The following PIWIL3 variants were observed in gnomAD, a reference collection of about 807,000 sequenced individuals.
PIWIL3 encodes piwi like RNA-mediated gene silencing 3, also known as piwi-like protein 3.
A neutral mutation model predicts 109.7 loss-of-function variants in PIWIL3; 101 were observed. The ratio of observed to expected loss-of-function variants is 0.92; its 90% confidence interval spans 0.78 to 1.09. The LOEUF (loss-of-function observed/expected upper bound fraction) is 1.09. PIWIL3 is among the 50% of genes least tolerant of loss of function. The pLI, the probability that PIWIL3 is intolerant of heterozygous loss-of-function variation, is 0.00. For missense variants in PIWIL3, 1,031 were observed against 1,072.6 expected (o/e 0.96, Z 0.54); for synonymous variants, 373 against 376.4 (o/e 0.99, Z 0.10).
chr22:24,750,802 T>A (rs966304094), intron 9 of PIWIL3, among the ~76,000 whole-genome samples: 1 of 149,068 alleles, frequency 6.7e-6, no homozygotes, highest in Non-Finnish European at 1.5e-5. Flanking sequence ...TTTGATTATC[T>A]ACCAAACAAC....
chr22:24,773,334 C>T (rs968123967), intron 1 of PIWIL3, among the ~76,000 whole-genome samples: 9 of 152,168 alleles, frequency 5.9e-5, no homozygotes, highest in African/African-American at 2.2e-4. Context: ...CTCCTTTTGC[C>T]AAAAGAATTC....
At chr22:24,756,275 T>A (rs935966456) in intron 5 of PIWIL3, among the ~76,000 whole-genome samples, 3 of 151,962 alleles carry the variant, frequency 2.0e-5, no homozygotes, top group African/African-American at 7.3e-5. Context: ...TTGAGCCACA[T>A]TGTATTATTA....
intron 11 of PIWIL3, 72 bp downstream of exon 11, chr22:24,749,332 G>A (rs1406732050): frequency 3.2e-6 from 5 of 1,575,650 alleles, no homozygotes; most frequent in Non-Finnish European, 2.6e-6. Flanking sequence ...ACATGCCAGG[G>A]CTGAGATGCC....
Position 24,755,988 on chromosome 22 carries a change from A to T in PIWIL3, c.571-83T>A. 9.6e-6 allele frequency: 14 copies of T among 1,456,574 alleles called. 2 individuals carry two copies. The South Asian group carries it at 1.7e-4, about 18-fold the overall frequency. 90.2% of individuals were successfully genotyped at this position (1,456,574 alleles called of 1,614,324 possible). On this transcript the variant is annotated intron_variant, in intron 5 of 20. Transcript: ENST00000616349. Reference sequence around the variant, plus strand: ...TCATTGCACGGCAAATCACCATGTCACCTGGCTATCCAACACACCATCGTG... The same window carrying T: ...TCATTGCACGGCAAATCACCATGTCTCCTGGCTATCCAACACACCATCGTG...
Position 24,753,813 on chromosome 22 carries a change from G to A in PIWIL3, c.977+201C>T, listed in dbSNP as rs537998735. Among the ~76,000 whole-genome samples, 8 of 152,264 alleles carry A rather than the reference G, an allele frequency of 5.3e-5. No individual in the cohort carries two copies. The East Asian group carries it at 1.5e-3, about 29-fold the overall frequency. On this transcript the variant is annotated intron_variant, in intron 8 of 20. Coordinates refer to ENST00000616349, the MANE Select transcript of PIWIL3 (RefSeq NM_001255975.1). The stretch of plus-strand genomic sequence containing the variant: ...TTCAGAACAAATGGACTGGCATTAG[G>A]GATTTCAAGAAGAGTGAAGTCTACA...
chr22:24,761,822 G>A (rs956348357), intron 2 of PIWIL3: 48 of 416,616 alleles, frequency 1.2e-4, no homozygotes, highest in East Asian at 1.6e-4. Flanking sequence ...GAGGAATTGA[G>A]GTTGGAGGGC....
rs1241174453 is a variant in PIWIL3, at chr22:24,750,482, A to ATTTTTTTTTTTTTTTTTTTTTTT, written c.1090-664_1090-663insAAAAAAAAAAAAAAAAAAAAAAA. ...CTTATCTGAAGTCTTACCACATTTG[A>ATTTTTTTTTTTTTTTTTTTTTTT]TTTTTTTTCTTTTTTTTTTTTTTGA... On this transcript the variant is annotated intron_variant, in intron 9 of 20. Coordinates refer to ENST00000616349, the MANE Select transcript of PIWIL3 (RefSeq NM_001255975.1). Among the ~76,000 whole-genome samples the ATTTTTTTTTTTTTTTTTTTTTTT allele has an allele frequency of 8.7e-5, 10 of 114,296 alleles. 3 individuals carry two copies. The highest frequency in any genetic ancestry group is 1.3e-4 in the African/African-American group (4 of 29,914). 75.0% of individuals were successfully genotyped at this position (114,296 alleles called of 152,430 possible).
chr22:24,737,793 G>C (rs2330924), intron 12 of PIWIL3, among the ~76,000 whole-genome samples: 85,309 of 152,004 alleles, frequency 0.56, 24,669 homozygotes, highest in East Asian at 0.7. Context: ...TAAGGGAACA[G>C]TGGTAGTAGC....
At chr22:24,755,973 G>T in intron 5 of PIWIL3, 68 bp from the exon 6 acceptor site, 2 of 1,526,256 alleles carry the variant, frequency 1.3e-6, no homozygotes, top group Non-Finnish European at 1.8e-6. Context: ...TCATTGCACG[G>T]CAAATCACCA....
chr22:24,738,700 GA>G (rs1923808306), intron 12 of PIWIL3, among the ~76,000 whole-genome samples: 2 of 152,202 alleles, frequency 1.3e-5, no homozygotes, highest in African/African-American at 4.8e-5. Flanking sequence ...ATATGACTTA[GA>G]TCACAATACC....
At chr22:24,763,425 T>C (rs923499960) in intron 1 of PIWIL3, among the ~76,000 whole-genome samples, 2 of 152,088 alleles carry the variant, frequency 1.3e-5, no homozygotes, top group African/African-American at 4.8e-5. Flanking sequence ...CTCAGCCTCC[T>C]GAGTAGCTGG....
intron 9 of PIWIL3, among the ~76,000 whole-genome samples, chr22:24,750,730 C>T (rs1030717462): frequency 1.1e-4 from 17 of 150,050 alleles, no homozygotes; most frequent in Admixed American, 7.9e-4. Flanking sequence ...TCAGGTGATC[C>T]GCCCTCCTTG....
intron 1 of PIWIL3, among the ~76,000 whole-genome samples, chr22:24,765,969 A>G (rs1021310713): frequency 6.6e-6 from 1 of 151,784 alleles, no homozygotes; most frequent in Admixed American, 6.6e-5. Context: ...TTCCTCAAGT[A>G]TCCTCTATTT....
At chr22:24,725,839 T>TGG (rs1922961574) in intron 16 of PIWIL3, among the ~76,000 whole-genome samples, 1 of 61,248 alleles carries the variant, frequency 1.6e-5, no homozygotes, top group Non-Finnish European at 5.7e-5. Flanking sequence ...CCCTGGTTCC[T>TGG]GCTTTGGGAC....
At chr22:24,762,610 G>A (rs991950258) in intron 1 of PIWIL3, 89 bp from the exon 2 acceptor site, 5 of 1,105,978 alleles carry the variant, frequency 4.5e-6, no homozygotes, top group Non-Finnish European at 6.3e-6. Context: ...ATCTGAGGCT[G>A]GGTAATTTAT....
intron 14 of PIWIL3, among the ~76,000 whole-genome samples, chr22:24,732,740 A>G (rs1208211525): frequency 7.2e-5 from 11 of 152,086 alleles, no homozygotes; most frequent in Non-Finnish European, 1.3e-4. Context: ...GGAGAATGGC[A>G]TGAACCTGGG....
rs1386949272 is a variant in PIWIL3 at position 24,759,973 on chromosome 22, T to A, written c.119A>T (p.Gln40Leu). 3.1e-6 allele frequency: 5 copies of A among 1,613,974 alleles called. No individual in the cohort carries two copies. Among genetic ancestry groups the A allele is most frequent in the Non-Finnish European group, 4.2e-6 (5 of 1,180,024 alleles). ...CAGCGGCCGGGGTGTCGACTGCAAC[T>A]GAGGGGGCTCCTGGGTCTGCATGTT... ...PGSATTQEPP[Q>L]LQSTPRPLQE... Residue 40 changes from glutamine to leucine, a missense_variant, in exon 3 of 21, where the codon CAG becomes CTG. By Grantham distance (113) the Gln-to-Leu change is moderately radical. Transcript: ENST00000616349.
chr22:24,742,946 AACAG>A (rs1026489713), intron 12 of PIWIL3, among the ~76,000 whole-genome samples: 38 of 152,310 alleles, frequency 2.5e-4, no homozygotes, highest in African/African-American at 8.4e-4. Flanking sequence ...ATAATCAGCA[AACAG>A]ACAACTCACA....
At chr22:24,757,473 C>A (rs925109388) in intron 4 of PIWIL3, among the ~76,000 whole-genome samples, 1 of 151,946 alleles carries the variant, frequency 6.6e-6, no homozygotes, top group African/African-American at 2.4e-5. Flanking sequence ...TTTCCAGAAT[C>A]TATTAAAGTT....
Sources: gnomAD v4.1 joint callset for allele counts (sites outside exome capture counted in the v4.1 genomes callset) on GRCh38, gnomAD v4.1.1 for gene constraint, MANE v1.5 for transcripts, NCBI Gene and HGNC (gene_info 2026-07-23, HGNC 2026-07-21) for gene names.